Variants in OGT observed in about 807,000 individuals in gnomAD.
OGT encodes O-linked N-acetylglucosamine (GlcNAc) transferase.
A neutral mutation model predicts 75.8 loss-of-function variants in OGT; 3 were observed. That is an observed-to-expected ratio of 0.04 (90% confidence interval 0.02 to 0.10). The LOEUF is 0.10. Ranked by LOEUF, OGT falls within the 10% of genes least tolerant of loss-of-function variation. The pLI is 1.00. For missense variants in OGT, 260 were observed against 824.4 expected (o/e 0.32, Z 8.38); for synonymous variants, 257 against 289.7 (o/e 0.89, Z 1.15).
At chrX:71,564,539 T>C (rs2040403951) in intron 18 of OGT, 62 bp from the exon 19 acceptor site, 10 of 900,226 alleles carry the variant, frequency 1.1e-5, no homozygotes, top group Non-Finnish European at 1.6e-5. Flanking sequence ...TTGGATCTTA[T>C]GGATTGAAAT....
At chrX:71,546,917 T>TGG (rs914663989) in intron 4 of OGT, 8 of 753,590 alleles carry the variant, frequency 1.1e-5, no homozygotes, top group Admixed American at 8.7e-5. Flanking sequence ...TGGATAAAAT[T>TGG]GGGTTTTAAC....
At chrX:71,539,327 G>T (rs1000054185) in intron 3 of OGT, among the ~76,000 whole-genome samples, 5 of 112,273 alleles carry the variant, frequency 4.5e-5, no homozygotes, top group African/African-American at 1.6e-4. Context: ...GAGTTTAAAC[G>T]TGTCCTTTTT....
intron 14 of OGT, among the ~76,000 whole-genome samples, chrX:71,561,037 C>G (rs2040380299): frequency 9.1e-6 from 1 of 109,800 alleles, no homozygotes; most frequent in Non-Finnish European, 1.9e-5. Flanking sequence ...AAGCGATTCT[C>G]TTGCCTCAGC....
At chrX:71,556,489 C>A in intron 8 of OGT, 191 bp from the exon 9 acceptor site, 1 of 380,069 alleles carries the variant, frequency 2.6e-6, no homozygotes, top group Non-Finnish European at 4.6e-6. Flanking sequence ...AGGTGTACCT[C>A]ATTATGTTTG....
In OGT at chrX:71,559,554, A is replaced by G. The variant is rs377377554; in HGVS notation, c.1762-34A>G. On this transcript the variant is annotated intron_variant, in intron 13 of 21. Transcript: ENST00000373719. ...GATTTGAGCCAGAAAGATTTGAGCC[A>G]ATGTTATTAAATATGCCATGTGCTG... 3.4e-6 allele frequency: 4 copies of G among 1,170,999 alleles called. No homozygotes were observed. In the African/African-American group the frequency reaches 7.1e-5, roughly 21 times the overall value.
rs2040487117 is a variant in OGT at position 71,575,124 on chromosome X, G to A, written c.*1330G>A. ...TATGGGATCTCAACAAAGGGTCGAG[G>A]GTTTGAGGCTTAAACAAGCCAACAT... On this transcript the variant is annotated 3_prime_UTR_variant, in exon 22 of 22. Coordinates refer to ENST00000373719, the MANE Select transcript of OGT (RefSeq NM_181672.3). The A allele has an allele frequency of 9.0e-6, 1 of 110,918 alleles. No individual in the cohort carries two copies. The highest frequency in any genetic ancestry group is 2.8e-4 in the East Asian group (1 of 3,553). 9.1% of individuals were successfully genotyped at this position (110,918 alleles called of 1,213,427 possible).
intron 5 of OGT, among the ~76,000 whole-genome samples, chrX:71,549,803 G>A (rs1381291330): frequency 9.0e-6 from 1 of 111,534 alleles, no homozygotes; most frequent in Non-Finnish European, 1.9e-5. Flanking sequence ...TTATAAATGG[G>A]CTTTAAAGAA....
intron 19 of OGT, among the ~76,000 whole-genome samples, chrX:71,566,493 G>A (rs1203273450): frequency 1.8e-5 from 2 of 111,711 alleles, no homozygotes; most frequent in Non-Finnish European, 3.8e-5. Flanking sequence ...GAGCCAAAGC[G>A]GGGAAAGCCC....
intron 5 of OGT, chrX:71,553,576 G>A (rs1470886276): frequency 1.8e-5 from 2 of 110,666 alleles, no homozygotes; most frequent in African/African-American, 6.6e-5. Context: ...TCTGCCTCTC[G>A]GGTTCAAGCC....
At chrX:71,548,736 T>C (rs933702195) in intron 5 of OGT, among the ~76,000 whole-genome samples, 4 of 110,717 alleles carry the variant, frequency 3.6e-5, no homozygotes, top group African/African-American at 1.3e-4. Context: ...AGGGGAACAA[T>C]AGACAGTGGG....
intron 5 of OGT, among the ~76,000 whole-genome samples, chrX:71,549,456 A>C (rs2040286809): frequency 9.0e-6 from 1 of 110,749 alleles, no homozygotes; most frequent in Non-Finnish European, 1.9e-5. Context: ...CATTTGCTGG[A>C]TAGTACATGG....
rs2040175083 is a variant in OGT at position 71,536,341 on chromosome X, G to A, written c.201G>A (p.Gln67=). The change falls in exon 2 of 22, where the codon CAG becomes CAA. Residue 67 remains glutamine (Q), a synonymous_variant. Coordinates refer to ENST00000373719, the MANE Select transcript of OGT (RefSeq NM_181672.3). ...TATTACTTTCATCTATACACTTCCA[G>A]TGTCGAAGGCTGGACAGGTAGGAGA... The part of the protein sequence containing the change: ...VLLLLSSIHF[Q]CRRLDRSAHF... 1 of 1,186,122 alleles carries A rather than the reference G, an allele frequency of 8.4e-7. No individual in the cohort carries two copies. Among genetic ancestry groups the A allele is most frequent in the African/African-American group, 1.8e-5 (1 of 56,973 alleles).
chrX:71,546,880 T>A (rs774456625), intron 4 of OGT: 1 of 753,854 alleles, frequency 1.3e-6, no homozygotes, highest in Admixed American at 8.6e-5. Context: ...ATTGACTGGC[T>A]CCCTCAGTCC....
chrX:71,539,649 TCTAG>T (rs1345729022), intron 3 of OGT, among the ~76,000 whole-genome samples: 7 of 112,702 alleles, frequency 6.2e-5, no homozygotes, highest in Non-Finnish European at 1.3e-4. Context: ...GCAATACTAA[TCTAG>T]CTAGTTACCC....
chrX:71,538,401 T>C (rs1416083574), intron 3 of OGT, among the ~76,000 whole-genome samples: 1 of 112,444 alleles, frequency 8.9e-6, no homozygotes, highest in Non-Finnish European at 1.9e-5. Flanking sequence ...TGCAAGTTAA[T>C]TGATTTTCAA....
At chrX:71,547,804 T>G (rs773309318) in intron 4 of OGT, 103 bp from the exon 5 acceptor site, 1 of 1,132,511 alleles carries the variant, frequency 8.8e-7, no homozygotes, top group Non-Finnish European at 1.2e-6. Context: ...TGATATCACC[T>G]TCTTCCCCCC....
At chrX:71,561,555 C>T (rs745879073) in intron 14 of OGT, among the ~76,000 whole-genome samples, 1 of 110,674 alleles carries the variant, frequency 9.0e-6, no homozygotes, top group Admixed American at 9.7e-5. Context: ...ACTCTCCTTC[C>T]TTTGTGTTCT....
rs2040491564 is a variant in OGT, at chrX:71,575,656, T to C, written c.*1862T>C. The C allele has an allele frequency of 1.8e-5, 2 of 112,713 alleles. No individual in the cohort carries two copies. Among genetic ancestry groups the C allele is most frequent in the Admixed American group, 9.4e-5 (1 of 10,592 alleles). 9.3% of individuals were successfully genotyped at this position (112,713 alleles called of 1,213,427 possible). On this transcript the variant is annotated 3_prime_UTR_variant, in exon 22 of 22. Coordinates refer to ENST00000373719, the MANE Select transcript of OGT (RefSeq NM_181672.3). ...CATTCCTCCTATAGGGATGAACTTT[T>C]TCCTGGCACGAAAAGTAGCCGCTCT...
At position 71,543,760 on chromosome X, in the gene OGT, GTGTGTGTATATATATATA is replaced by G. The variant is rs1306336064; in HGVS notation, c.463-805_463-788del. 4.2e-4 allele frequency among the ~76,000 whole-genome samples: 26 copies of G among 62,543 alleles called. No individual in the cohort carries two copies. The South Asian group carries it at 7.3e-3, about 18-fold the overall frequency. The allele number at this position is 62,543 out of a possible 115,157, so 54.3% of individuals were successfully genotyped here. ...TGTGTGTGTGTGTGTGTGTGTGTGT[GTGTGTGTATATATATATA>G]TATATATATATATATTTCCTTTTTT... On this transcript the variant is annotated intron_variant, in intron 3 of 21. Coordinates refer to ENST00000373719, the MANE Select transcript of OGT (RefSeq NM_181672.3).
Sources: allele counts gnomAD v4.1 joint callset (sites outside exome capture counted in the v4.1 genomes callset), GRCh38; gene constraint gnomAD v4.1.1; transcripts MANE v1.5; gene names NCBI Gene and HGNC (gene_info 2026-07-23, HGNC 2026-07-21).